Variants in BEND7 observed in about 807,000 individuals in gnomAD.
BEND7 encodes BEN domain-containing protein 7.
In BEND7, 28 loss-of-function variants were observed where a neutral mutation model predicts 50.9. The observed-to-expected ratio is 0.55, with a 90% CI of 0.41 to 0.75. The LOEUF is 0.75. BEND7 is among the 30% of genes least tolerant of loss of function. BEND7 has a pLI of 0.00. For missense variants in BEND7, 477 were observed against 491.3 expected (o/e 0.97, Z 0.28); for synonymous variants, 170 against 183.9 (o/e 0.92, Z 0.61).
At chr10:13,463,941 A>G (rs939271466) in intron 6 of BEND7, among the ~76,000 whole-genome samples, 1 of 152,386 alleles carries the variant, frequency 6.6e-6, no homozygotes, top group Admixed American at 6.5e-5. Flanking sequence ...GAAAGGATGC[A>G]GAACTTCATT....
chr10:13,439,296 T>C (rs1296238112), downstream of BEND7: 1 of 1,614,220 alleles, frequency 6.2e-7, no homozygotes, highest in Non-Finnish European at 8.5e-7. Context: ...TGAATGGTGC[T>C]TGAAGTCTTG....
chr10:13,481,016 C>T lies in BEND7; in HGVS notation c.946G>A (p.Val316Met), dbSNP rs1337103959. ...RSGSLLFRKL[V>M]CAFFDDKTLA... ...GTCTTGTCATCAAAAAACGCACACA[C>T]CAGTTTTCTAAACAGAAGGCTTCCT... The change falls in exon 6 of 9, where the codon GTG becomes ATG. Residue 316 changes from valine to methionine, a missense_variant. Val to Met is a conservative substitution (Grantham distance 21). This residue lies in a region of BEND7 where 396 missense variants were observed against 384.2 expected (regional missense o/e 1.03). Transcript: ENST00000466271. The T allele has an allele frequency of 4.3e-6, 7 of 1,614,010 alleles. No individual in the cohort carries two copies. The Admixed American group carries it at 1.2e-4, about 27-fold the overall frequency.
At chr10:13,503,901 G>A (rs1039878729) in intron 2 of BEND7, among the ~76,000 whole-genome samples, 1 of 152,160 alleles carries the variant, frequency 6.6e-6, no homozygotes, top group African/African-American at 2.4e-5. Context: ...GGTCTCTGGG[G>A]TTTACTGAGT....
chr10:13,512,563 ATCC>A (rs1269086682), intron 2 of BEND7, among the ~76,000 whole-genome samples: 1 of 152,212 alleles, frequency 6.6e-6, no homozygotes, highest in Non-Finnish European at 1.5e-5. Context: ...TGAAATGCTG[ATCC>A]TCTGCTCTCC....
intron 5 of BEND7, among the ~76,000 whole-genome samples, chr10:13,482,586 C>T (rs887492273): frequency 6.6e-6 from 1 of 152,202 alleles, no homozygotes; most frequent in South Asian, 2.1e-4. Flanking sequence ...AGCTTCAATT[C>T]TTTGGATGAC....
intron 2 of BEND7, among the ~76,000 whole-genome samples, chr10:13,509,547 A>G (rs141562671): frequency 4.3e-4 from 66 of 152,372 alleles, no homozygotes; most frequent in African/African-American, 1.5e-3. Context: ...CGCATGATCA[A>G]TGCCTTAGAA....
intron 5 of BEND7, among the ~76,000 whole-genome samples, chr10:13,487,003 G>A (rs1351303499): frequency 6.6e-6 from 1 of 152,178 alleles, no homozygotes; most frequent in South Asian, 2.1e-4. Context: ...GACTGCCTGC[G>A]CCACAGCTGA....
Position 13,441,199 on chromosome 10 carries a change from ATTC to A in BEND7, c.*541_*543del, listed in dbSNP as rs1835266594. 1.0e-6 allele frequency: 1 copy of A among 953,962 alleles called. No homozygotes were observed. Among genetic ancestry groups the A allele is most frequent in the Non-Finnish European group, 1.2e-6 (1 of 801,420 alleles). 59.1% of individuals were successfully genotyped at this position (953,962 alleles called of 1,614,324 possible). ...ATTTTCACAACCAGGCTTGCATTGA[ATTC>A]TTTTTTAAAGAACATAGTAATTTTA... On this transcript the variant is annotated 3_prime_UTR_variant, in exon 9 of 9. Transcript: ENST00000466271.
At chr10:13,473,209 C>G (rs2075063959) in intron 6 of BEND7, among the ~76,000 whole-genome samples, 1 of 151,096 alleles carries the variant, frequency 6.6e-6, no homozygotes, top group Admixed American at 6.6e-5. Flanking sequence ...GGGGCCAATA[C>G]TCGTCATCAC....
At position 13,446,295 on chromosome 10, in the gene BEND7, A is replaced by G. The variant is rs73586800; in HGVS notation, c.1234+971T>C. 1.9e-3 allele frequency: 286 copies of G among 152,278 alleles called. 2 individuals are homozygous for G. Among genetic ancestry groups the G allele is most frequent in the African/African-American group, 6.6e-3 (274 of 41,564 alleles). The allele number at this position is 152,278 out of a possible 1,614,324, so 9.4% of individuals were successfully genotyped here. ...AAGTTCACTAGCACAGGCCCATCCT[A>G]TGCCTGCGAATGTGGCTTTCCTTGC... On this transcript the variant is annotated intron_variant, in intron 8 of 8. Transcript: ENST00000466271.
chr10:13,465,209 T>G (rs2074110848), intron 6 of BEND7, among the ~76,000 whole-genome samples: 1 of 152,226 alleles, frequency 6.6e-6, no homozygotes, highest in African/African-American at 2.4e-5. Flanking sequence ...ACTTCTTCAG[T>G]AAATAGCCAG....
chr10:13,499,744 T>C (rs370009823), intron 3 of BEND7, 34 bp downstream of exon 3: 94 of 1,566,214 alleles, frequency 6.0e-5, no homozygotes, highest in Non-Finnish European at 7.5e-5. Flanking sequence ...CAAACCCCCA[T>C]GAGAGCCTTC....
chr10:13,491,914 A>C (rs1023928998), intron 5 of BEND7, among the ~76,000 whole-genome samples: 5 of 152,152 alleles, frequency 3.3e-5, no homozygotes, highest in Non-Finnish European at 5.9e-5. Flanking sequence ...GGTTCACAAC[A>C]CAAACATACT....
At chr10:13,492,497 T>C in intron 5 of BEND7, 114 bp downstream of exon 5, 2 of 1,317,282 alleles carry the variant, frequency 1.5e-6, no homozygotes, top group Non-Finnish European at 1.0e-6. Flanking sequence ...TTTTCTTCTT[T>C]CCCACATATA....
intron 6 of BEND7, among the ~76,000 whole-genome samples, chr10:13,462,093 G>C (rs950454702): frequency 3.3e-5 from 5 of 152,128 alleles, no homozygotes; most frequent in African/African-American, 1.2e-4. Context: ...AATGAGCAAG[G>C]AAAAATTCAA....
intron 1 of BEND7, chr10:13,527,728 A>C (rs12218242): frequency 1.8e-6 from 1 of 542,350 alleles, no homozygotes; most frequent in Non-Finnish European, 2.4e-6. Context: ...CATTTTTTTA[A>C]AAAAAAAAGT....
chr10:13,475,328 C>T (rs570542607), intron 6 of BEND7, among the ~76,000 whole-genome samples: 2 of 152,324 alleles, frequency 1.3e-5, no homozygotes, highest in South Asian at 2.1e-4. Context: ...TGATTAGTCA[C>T]CTTCCCAAAG....
At chr10:13,451,757 C>CT (rs1837779052) in intron 7 of BEND7, among the ~76,000 whole-genome samples, 1 of 120,504 alleles carries the variant, frequency 8.3e-6, no homozygotes. Context: ...CTATCCCTCC[C>CT]CCTCCCCCCA....
chr10:13,485,368 GATT>G (rs2076151140), intron 5 of BEND7, among the ~76,000 whole-genome samples: 1 of 152,212 alleles, frequency 6.6e-6, no homozygotes, highest in Admixed American at 6.5e-5. Flanking sequence ...TTCAATGGCA[GATT>G]AATAGTGTAC....
Sources: gnomAD v4.1 joint callset for allele counts (sites outside exome capture counted in the v4.1 genomes callset) on GRCh38, gnomAD v4.1.1 for gene constraint, gnomAD v4.1.1 regional missense constraint, MANE v1.5 for transcripts, NCBI Gene and HGNC (gene_info 2026-07-23, HGNC 2026-07-21) for gene names.